Variants in LINGO2 observed in about 807,000 individuals in gnomAD.
The protein encoded by LINGO2 is leucine rich repeat and Ig domain containing 2.
LINGO2 carries 14 observed loss-of-function variants against 30.6 expected under a neutral mutation model. The observed-to-expected ratio is 0.46, with a 90% CI of 0.30 to 0.72. The LOEUF (loss-of-function observed/expected upper bound fraction) is 0.72. Among genes scored for constraint, LINGO2 ranks in the 30% least tolerant of loss-of-function variants. The pLI is 0.07. For missense variants in LINGO2, 729 were observed against 751.7 expected, an observed-to-expected ratio of 0.97 and a Z score of 0.35; for synonymous variants, 317 against 288.5, an observed-to-expected ratio of 1.10 and a Z score of -1.00.
chr9:28,743,060 C>T, the LINGO2 span, among the ~76,000 whole-genome samples: 1 of 151,988 alleles, frequency 6.6e-6, no homozygotes, highest in African/African-American at 2.4e-5. Flanking sequence ...GTGTCACCTG[C>T]TTTCAGACTA....
In LINGO2 at chr9:28,576,493, A is replaced by T. The variant is rs902319573; in HGVS notation, c.-365+93707T>A. ...TTTGAATAAAGATCATGTACAAAAC[A>T]AACTAATGAAAGCTTTGCCATTATG... On this transcript the variant is annotated intron_variant, in intron 1 of 5. Coordinates refer to ENST00000379992, the Ensembl canonical transcript of LINGO2. Among the ~76,000 whole-genome samples, 5 of 152,354 alleles carry T rather than the reference A, an allele frequency of 3.3e-5. No homozygotes were observed. In the East Asian group the frequency reaches 9.6e-4, roughly 29 times the overall value.
intron 4 of LINGO2, among the ~76,000 whole-genome samples, chr9:28,236,459 C>G (rs189722974): frequency 2.0e-4 from 30 of 152,230 alleles, no homozygotes; most frequent in Non-Finnish European, 1.5e-5. Flanking sequence ...AGTGTGTATA[C>G]GTTTCCTGAC....
chr9:28,960,779 A>G, the LINGO2 span, among the ~76,000 whole-genome samples: 1 of 150,798 alleles, frequency 6.6e-6, no homozygotes, highest in Non-Finnish European at 1.5e-5. Flanking sequence ...ATATGTTTAT[A>G]TAAAATAATG....
chr9:28,660,863 G>C (rs967846631), intron 1 of LINGO2, among the ~76,000 whole-genome samples: 5 of 152,132 alleles, frequency 3.3e-5, no homozygotes, highest in African/African-American at 9.7e-5. Flanking sequence ...TCTCTGGTCT[G>C]ATGCTACCTT....
chr9:29,080,489 T>C, the LINGO2 span, among the ~76,000 whole-genome samples: 1 of 152,152 alleles, frequency 6.6e-6, no homozygotes, highest in African/African-American at 2.4e-5. Flanking sequence ...CTGCTAGCTT[T>C]TGAATGTGTT....
At chr9:28,495,774 C>T (rs1318977221) in intron 1 of LINGO2, among the ~76,000 whole-genome samples, 2 of 152,028 alleles carry the variant, frequency 1.3e-5, no homozygotes, top group Admixed American at 6.6e-5. Context: ...TAGATATTTC[C>T]TGCTTTCTCT....
intron 5 of LINGO2, among the ~76,000 whole-genome samples, chr9:27,972,482 C>A (rs895950142): frequency 6.6e-6 from 1 of 152,196 alleles, no homozygotes; most frequent in African/African-American, 2.4e-5. Flanking sequence ...CCTCCAACAA[C>A]CTCAGTCCGT....
At chr9:28,292,235 C>A (rs890594130) in intron 4 of LINGO2, among the ~76,000 whole-genome samples, 2 of 152,146 alleles carry the variant, frequency 1.3e-5, no homozygotes, top group African/African-American at 2.4e-5. Context: ...CTCTCATTAG[C>A]CAAGTAAACT....
chr9:28,715,005 T>A, the LINGO2 span, among the ~76,000 whole-genome samples: 6 of 152,186 alleles, frequency 3.9e-5, no homozygotes, highest in African/African-American at 1.4e-4. Context: ...TCCATCTGTA[T>A]CTTTTGTATT....
At chr9:28,576,611 T>C (rs1469598294) in intron 1 of LINGO2, among the ~76,000 whole-genome samples, 3 of 152,218 alleles carry the variant, frequency 2.0e-5, no homozygotes, top group African/African-American at 7.2e-5. Flanking sequence ...TGATAATTAA[T>C]AATAGTCATA....
At chr9:28,615,024 T>C (rs563582059) in intron 1 of LINGO2, among the ~76,000 whole-genome samples, 1 of 152,262 alleles carries the variant, frequency 6.6e-6, no homozygotes, top group Non-Finnish European at 1.5e-5. Flanking sequence ...AAACTATACA[T>C]TTCATCTTCT....
chr9:28,050,940 CAT>C (rs2133058067), intron 4 of LINGO2, among the ~76,000 whole-genome samples: 1 of 150,988 alleles, frequency 6.6e-6, no homozygotes, highest in South Asian at 2.1e-4. Flanking sequence ...CACTGTAGTA[CAT>C]GTTATGACAG....
chr9:28,385,570 G>T (rs1259336346), intron 2 of LINGO2, among the ~76,000 whole-genome samples: 2 of 152,148 alleles, frequency 1.3e-5, no homozygotes, highest in Non-Finnish European at 2.9e-5. Flanking sequence ...TGGAAAGAAG[G>T]TATATGCAGC....
At chr9:28,017,839 G>A (rs914228810) in intron 4 of LINGO2, among the ~76,000 whole-genome samples, 6 of 152,188 alleles carry the variant, frequency 3.9e-5, no homozygotes, top group East Asian at 3.9e-4. Flanking sequence ...ATTCTTCTCA[G>A]AATTGGAAAA....
chr9:28,568,373 G>A (rs927105797), intron 1 of LINGO2, among the ~76,000 whole-genome samples: 1 of 151,938 alleles, frequency 6.6e-6, no homozygotes, highest in African/African-American at 2.4e-5. Context: ...CAACTATTTG[G>A]TACTAGGCTT....
the LINGO2 span, among the ~76,000 whole-genome samples, chr9:28,852,823 A>G: frequency 6.6e-6 from 1 of 152,054 alleles, no homozygotes; most frequent in Non-Finnish European, 1.5e-5. Flanking sequence ...TTTCCTATAA[A>G]AATAATCTCA....
exon 6 of LINGO2, chr9:27,948,741 A>G: frequency 7.8e-7 from 1 of 1,287,380 alleles, no homozygotes. Context: ...CCTGCTTTTG[A>G]TACAGGGGCA....
intron 4 of LINGO2, among the ~76,000 whole-genome samples, chr9:28,018,333 CCAA>C (rs904480808): frequency 3.0e-4 from 45 of 152,030 alleles, no homozygotes; most frequent in African/African-American, 1.1e-3. Flanking sequence ...AAAAGCAATT[CCAA>C]CAACAACAAA....
At chr9:28,182,558 C>G (rs1048544575) in intron 4 of LINGO2, among the ~76,000 whole-genome samples, 5 of 152,154 alleles carry the variant, frequency 3.3e-5, no homozygotes, top group African/African-American at 1.2e-4. Flanking sequence ...TTTTTGCAAT[C>G]TACCCATCTG....
Sources: gnomAD v4.1 joint callset for allele counts (sites outside exome capture counted in the v4.1 genomes callset) on GRCh38, gnomAD v4.1.1 for gene constraint, MANE v1.5 for transcripts, NCBI Gene and HGNC (gene_info 2026-07-23, HGNC 2026-07-21) for gene names.